VWDE: variants seen among roughly 807,000 people sequenced by gnomAD.
VWDE encodes the protein von Willebrand factor D and EGF domains.
A neutral mutation model predicts 178.4 loss-of-function variants in VWDE; 207 were observed. The ratio of observed to expected loss-of-function variants is 1.16; its 90% CI spans 1.04 to 1.30. The LOEUF (loss-of-function observed/expected upper bound fraction) is 1.30. Ranked by LOEUF, VWDE falls within the 50% of genes most tolerant of loss-of-function variation. The probability of loss-of-function intolerance (pLI) is 0.00; values close to 1 mark genes in which losing one functional copy is unlikely to be tolerated. For synonymous variants in VWDE, 738 were observed against 651.4 expected, an observed-to-expected ratio of 1.13 and a Z score of -2.02; for missense variants, 2,287 against 1,901.3, an observed-to-expected ratio of 1.20 and a Z score of -3.77.
chr7:12,394,131 C>T (rs1475128095), intron 1 of VWDE, among the ~76,000 whole-genome samples: 1 of 152,126 alleles, frequency 6.6e-6, no homozygotes, highest in Admixed American at 6.6e-5. Context: ...GCCTGGTCCT[C>T]TGGATTTGAA....
At chr7:12,365,000 A>G (rs1186884206) in intron 13 of VWDE, among the ~76,000 whole-genome samples, 1 of 152,140 alleles carries the variant, frequency 6.6e-6, no homozygotes, top group Non-Finnish European at 1.5e-5. Flanking sequence ...AAAAAGGAAC[A>G]TTCCACAAAA....
intron 12 of VWDE, among the ~76,000 whole-genome samples, chr7:12,369,200 G>T (rs554408824): frequency 6.6e-6 from 1 of 152,240 alleles, no homozygotes; most frequent in South Asian, 2.1e-4. Context: ...GGGCCCAGTT[G>T]TGTGTAAAGG....
At position 12,370,389 on chromosome 7, in the gene VWDE, G is replaced by C; in HGVS notation, c.1917C>G (p.Asp639Glu). The C allele has an allele frequency of 6.5e-7, 1 of 1,550,126 alleles. No individual in the cohort carries two copies. Among genetic ancestry groups the C allele is most frequent in the Non-Finnish European group, 8.7e-7 (1 of 1,146,840 alleles). Residue 639 changes from aspartate (D) to glutamate (E), a missense_variant, in exon 12 of 29, where the codon GAC (aspartate) becomes GAG (glutamate). Transcript: ENST00000275358. ...AGGCAATTTCTGATCGAGAAACACT[G>C]TCCAGATCTTCGGAAGACGGATACG... Reference protein sequence around the residue: ...TAAYPSSEDLDSVSRSEIALG... With the variant: ...TAAYPSSEDLESVSRSEIALG...
intron 10 of VWDE, among the ~76,000 whole-genome samples, 193 bp from the exon 11 acceptor site, chr7:12,371,057 G>C (rs181803476): frequency 3.9e-4 from 60 of 152,036 alleles, no homozygotes; most frequent in Admixed American, 7.9e-4. Context: ...GCATTTTGCT[G>C]ACCTGAAATT....
Position 12,380,530 on chromosome 7 carries a change from A to G in VWDE, c.745T>C (p.Ser249Pro), listed in dbSNP as rs1295154374. ...LTQETTVQAF[S>P]LLELDGINLR... is the part of the protein sequence containing the mutation. The stretch of plus-strand genomic sequence containing the variant: ...TTTATGCCATCAAGTTCTAAAAGAG[A>G]GAATGCCTGAACTGTGGTCTCTTGT... The change falls in exon 5 of 29, where the codon TCT becomes CCT. Residue 249 changes from serine (S) to proline (P), a missense_variant. Coordinates refer to ENST00000275358, the MANE Select transcript of VWDE (RefSeq NM_001135924.3). 4 of 1,551,936 alleles carry G rather than the reference A, an allele frequency of 2.6e-6. No individual in the cohort carries two copies. Among genetic ancestry groups the G allele is most frequent in the Non-Finnish European group, 3.5e-6 (4 of 1,147,040 alleles).
At chr7:12,387,854 C>A (rs903855174) in intron 3 of VWDE, among the ~76,000 whole-genome samples, 1 of 151,818 alleles carries the variant, frequency 6.6e-6, no homozygotes, top group African/African-American at 2.4e-5. Context: ...TGGTTGAACC[C>A]AGGTAACTAA....
chr7:12,370,469 A>C lies in VWDE; in HGVS notation c.1837T>G (p.Ser613Ala). 5 of 1,542,172 alleles carry C rather than the reference A, an allele frequency of 3.2e-6. No individual in the cohort carries two copies. The East Asian group carries it at 1.2e-4, about 38-fold the overall frequency. The change falls in exon 12 of 29, where the codon TCT becomes GCT. Residue 613 changes from serine to alanine, a missense_variant. Transcript: ENST00000275358. ...GATGGCTTTCCAGGTGATGTCATAG[A>C]AACTGGCAGTGTGTCAGACATGCTT... ...GKSMSDTLPV[S>A]MTSPGKPSYC...
At chr7:12,380,242 TA>T (rs1379866675) in intron 5 of VWDE, among the ~76,000 whole-genome samples, 1 of 150,770 alleles carries the variant, frequency 6.6e-6, no homozygotes, top group Admixed American at 6.6e-5. Flanking sequence ...AATATATATA[TA>T]AAAAAGGATT....
chr7:12,355,021 T>G (rs1034760842), intron 18 of VWDE, among the ~76,000 whole-genome samples: 3 of 152,196 alleles, frequency 2.0e-5, no homozygotes, highest in African/African-American at 7.2e-5. Context: ...GATGGTAGCC[T>G]TTATTATACT....
At chr7:12,367,211 G>A in intron 13 of VWDE, 146 bp downstream of exon 13, 2 of 543,128 alleles carry the variant, frequency 3.7e-6, no homozygotes, top group Non-Finnish European at 5.7e-6. Context: ...TCAACATTAT[G>A]TAACTTAATC....
At chr7:12,389,752 A>G (rs1784292737) in intron 2 of VWDE, among the ~76,000 whole-genome samples, 1 of 152,234 alleles carries the variant, frequency 6.6e-6, no homozygotes, top group Non-Finnish European at 1.5e-5. Flanking sequence ...CTCTTGCAAA[A>G]TTGCTTGAAA....
rs550003298 is a variant in VWDE, at chr7:12,364,850, A to G, written c.2898+2507T>C. Among the ~76,000 whole-genome samples the G allele has an allele frequency of 3.0e-3, 463 of 152,238 alleles. 4 individuals are homozygous for G. Among genetic ancestry groups the G allele is most frequent in the African/African-American group, 0.01 (430 of 41,572 alleles). ...ATTTATTAGTTAAAAAGGGAAAAAC[A>G]GGGAGCTTAAAGTGAAGATACATGG... On this transcript the variant is annotated intron_variant, in intron 13 of 28. Transcript: ENST00000275358.
rs149057597 is a variant in VWDE at position 12,394,801 on chromosome 7, A to G, written c.59-1023T>C. ...TGAAAGAAACAATTCAGTCACTAAA[A>G]ATACCTCATCGTGGAAAAACCTTAT... is the stretch of plus-strand genomic sequence containing the variant. On this transcript the variant is annotated intron_variant, in intron 1 of 28. Transcript: ENST00000275358. 6.4e-3 allele frequency among the ~76,000 whole-genome samples: 975 copies of G among 152,252 alleles called. 12 individuals carry two copies. The highest frequency in any genetic ancestry group is 0.022 in the African/African-American group (901 of 41,572).
At chr7:12,343,053 T>A (rs1445240991) in intron 22 of VWDE, 30 bp downstream of exon 22, 2 of 1,501,048 alleles carry the variant, frequency 1.3e-6, no homozygotes, top group Non-Finnish European at 1.8e-6. Context: ...GCAGTTTCAT[T>A]ATATCAGACA....
intron 18 of VWDE, among the ~76,000 whole-genome samples, chr7:12,352,316 T>C (rs1781988198): frequency 1.3e-5 from 2 of 152,214 alleles, no homozygotes; most frequent in South Asian, 4.1e-4. Context: ...GCCCCACTAG[T>C]TAGCAATAAC....
Position 12,361,068 on chromosome 7 carries a change from C to T in VWDE, c.3159+79G>A, listed in dbSNP as rs530637874. The T allele has an allele frequency of 1.9e-5, 17 of 873,672 alleles. No homozygotes were observed. The African/African-American group carries it at 2.8e-4, about 14-fold the overall frequency. 54.1% of individuals were successfully genotyped at this position (873,672 alleles called of 1,614,324 possible). The stretch of plus-strand genomic sequence containing the variant: ...TTTTTCTGGTATAAAAGTGAAAAAA[C>T]TACAATTAATGTGCCCACAGCATAG... On this transcript the variant is annotated intron_variant, in intron 15 of 28. Coordinates refer to ENST00000275358, the MANE Select transcript of VWDE (RefSeq NM_001135924.3).
Position 12,370,438 on chromosome 7 carries a change from C to G in VWDE, c.1868G>C (p.Cys623Ser). 1 of 1,544,358 alleles carries G rather than the reference C, an allele frequency of 6.5e-7. No individual in the cohort carries two copies. Among genetic ancestry groups the G allele is most frequent in the Non-Finnish European group, 8.7e-7 (1 of 1,146,718 alleles). Residue 623 changes from cysteine (C) to serine (S), a missense_variant, in exon 12 of 29, where the codon TGT (cysteine) becomes TCT (serine). By Grantham distance (112) the Cys-to-Ser change is moderately radical. Coordinates refer to ENST00000275358, the MANE Select transcript of VWDE (RefSeq NM_001135924.3). ...SMTSPGKPSY[C>S]SCSLDTAAYP... ...CGCTGCAGTGTCCAATGAACAGCTA[C>G]AATAGGATGGCTTTCCAGGTGATGT...
At chr7:12,367,540 AG>A in intron 12 of VWDE, 47 bp from the exon 13 acceptor site, 4 of 1,392,246 alleles carry the variant, frequency 2.9e-6, no homozygotes, top group African/African-American at 1.5e-5. Context: ...ACTTAATTTC[AG>A]AAAAAAAAAC....
chr7:12,377,486 A>G, intron 7 of VWDE: 1 of 200,636 alleles, frequency 5.0e-6, no homozygotes, highest in Non-Finnish European at 9.9e-6. Flanking sequence ...ATGAGAAAAA[A>G]ATAGGAGAAA....
Sources: allele counts gnomAD v4.1 joint callset (sites outside exome capture counted in the v4.1 genomes callset), GRCh38; gene constraint gnomAD v4.1.1; transcripts MANE v1.5; gene names NCBI Gene and HGNC (gene_info 2026-07-23, HGNC 2026-07-21).